The following RBFOX1 variants were observed in gnomAD, a reference collection of about 807,000 sequenced individuals.
The protein encoded by RBFOX1 is RNA binding fox-1 homolog 1, also known as RNA binding protein fox-1 homolog 1.
In RBFOX1, 8 loss-of-function variants were observed where a neutral mutation model predicts 57.7. The ratio of observed to expected loss-of-function variants is 0.14; its 90% CI spans 0.08 to 0.25. The LOEUF is 0.25. Ranked by LOEUF, RBFOX1 falls within the 10% of genes least tolerant of loss-of-function variation. The pLI, the probability that RBFOX1 is intolerant of heterozygous loss-of-function variation, is 1.00. For missense variants in RBFOX1, 611 were observed against 548.5 expected (o/e 1.11, Z -1.14); for synonymous variants, 326 against 222.4 (o/e 1.47, Z -4.15).
chr16:6,439,075 T>C (rs578079330), intron 2 of RBFOX1, among the ~76,000 whole-genome samples: 18 of 152,256 alleles, frequency 1.2e-4, no homozygotes, highest in African/African-American at 4.3e-4. Context: ...CTAGCCTGTT[T>C]TTGTAGGACA....
In RBFOX1 at chr16:6,872,583, G is replaced by C. The variant is rs141398126; in HGVS notation, c.-15-179474G>C. ...CTTTAAAAAAAGATAAGAACGTTTGGAACGGCAACAAAACACCCAATTAAT... is the reference window on the plus strand; with the variant it reads ...CTTTAAAAAAAGATAAGAACGTTTGCAACGGCAACAAAACACCCAATTAAT... On this transcript the variant is annotated intron_variant, in intron 3 of 15. Coordinates refer to ENST00000550418, the MANE Select transcript of RBFOX1 (RefSeq NM_018723.4). 3.6e-3 allele frequency among the ~76,000 whole-genome samples: 554 copies of C among 152,180 alleles called. 4 individuals are homozygous for C. Among genetic ancestry groups the C allele is most frequent in the Non-Finnish European group, 3.5e-3 (237 of 68,018 alleles).
At chr16:6,197,507 T>C (rs1340787909) in intron 1 of RBFOX1, among the ~76,000 whole-genome samples, 1 of 152,150 alleles carries the variant, frequency 6.6e-6, no homozygotes, top group Non-Finnish European at 1.5e-5. Context: ...TAATGGTTAA[T>C]TCCCATCAAC....
intron 1 of RBFOX1, among the ~76,000 whole-genome samples, chr16:6,110,453 C>T (rs1190047543): frequency 6.6e-6 from 1 of 152,126 alleles, no homozygotes; most frequent in Admixed American, 6.6e-5. Flanking sequence ...CCTGCACAAA[C>T]ACAATTGATA....
chr16:7,219,142 G>C (rs1435179454), intron 4 of RBFOX1, among the ~76,000 whole-genome samples: 3 of 152,146 alleles, frequency 2.0e-5, no homozygotes, highest in Non-Finnish European at 2.9e-5. Context: ...GCCCTGCTCG[G>C]AGTAGCCTTG....
At chr16:6,465,459 A>T (rs919782626) in intron 2 of RBFOX1, among the ~76,000 whole-genome samples, 8 of 152,142 alleles carry the variant, frequency 5.3e-5, no homozygotes, top group African/African-American at 1.9e-4. Flanking sequence ...TTTCTGTCTG[A>T]GTTCAGCAGT....
intron 4 of RBFOX1, among the ~76,000 whole-genome samples, chr16:7,303,107 C>G (rs2096072417): frequency 6.6e-6 from 1 of 152,194 alleles, no homozygotes; most frequent in African/African-American, 2.4e-5. Flanking sequence ...CGAGCTGGCA[C>G]GTTAGTCCAA....
At chr16:7,220,499 G>C (rs186904047) in intron 4 of RBFOX1, among the ~76,000 whole-genome samples, 1 of 152,320 alleles carries the variant, frequency 6.6e-6, no homozygotes, top group Admixed American at 6.5e-5. Context: ...AAGTTGCTGA[G>C]ATTTGATTAT....
chr16:7,172,472 T>G (rs2080887802), intron 4 of RBFOX1, among the ~76,000 whole-genome samples: 1 of 152,198 alleles, frequency 6.6e-6, no homozygotes, highest in South Asian at 2.1e-4. Flanking sequence ...ACAACCACCC[T>G]TTGATCCCCA....
chr16:5,882,220 C>T (rs1006240351), intron 4 of RBFOX1, among the ~76,000 whole-genome samples: 4 of 152,138 alleles, frequency 2.6e-5, no homozygotes, highest in African/African-American at 7.2e-5. Context: ...TACCGTTCCT[C>T]GTAGCTATGT....
At chr16:7,191,335 A>G (rs1429886118) in intron 4 of RBFOX1, among the ~76,000 whole-genome samples, 1 of 111,210 alleles carries the variant, frequency 9.0e-6, no homozygotes, top group African/African-American at 3.5e-5. Context: ...TGCTGACAAA[A>G]AAAGAAAAAA....
intron 4 of RBFOX1, among the ~76,000 whole-genome samples, chr16:7,471,413 C>T (rs993385077): frequency 4.6e-5 from 7 of 151,990 alleles, no homozygotes; most frequent in Admixed American, 3.9e-4. Context: ...CCCAGATGCC[C>T]TTCCCCAAAG....
At chr16:6,619,823 C>T (rs1171559721) in intron 2 of RBFOX1, among the ~76,000 whole-genome samples, 1 of 151,564 alleles carries the variant, frequency 6.6e-6, no homozygotes, top group Non-Finnish European at 1.5e-5. Flanking sequence ...AATCCTAGTA[C>T]CCATTAGTTA....
At chr16:7,597,453 A>G in intron 9 of RBFOX1, 22 bp downstream of exon 9, 1 of 1,562,810 alleles carries the variant, frequency 6.4e-7, no homozygotes, top group Non-Finnish European at 8.8e-7. Context: ...TTGGCCTTTT[A>G]CAAGAAATTC....
At chr16:6,259,513 T>G (rs2152626922) in intron 1 of RBFOX1, among the ~76,000 whole-genome samples, 1 of 152,250 alleles carries the variant, frequency 6.6e-6, no homozygotes, top group South Asian at 2.1e-4. Context: ...TCTTTCTCTC[T>G]CCTCAAACTC....
At chr16:6,337,814 C>T (rs931164931) in intron 2 of RBFOX1, among the ~76,000 whole-genome samples, 27 of 152,314 alleles carry the variant, frequency 1.8e-4, no homozygotes, top group African/African-American at 5.5e-4. Context: ...AATCCTCCTG[C>T]CTCTTCTTGA....
chr16:7,088,842 C>A (rs1567213029), intron 4 of RBFOX1, among the ~76,000 whole-genome samples: 1 of 152,174 alleles, frequency 6.6e-6, no homozygotes, highest in African/African-American at 2.4e-5. Context: ...TTCAACTCAA[C>A]CTCTGTCTTT....
At chr16:7,501,103 G>T (rs1258895048) in intron 4 of RBFOX1, among the ~76,000 whole-genome samples, 1 of 152,124 alleles carries the variant, frequency 6.6e-6, no homozygotes, top group Non-Finnish European at 1.5e-5. Flanking sequence ...AAATTACCCA[G>T]CCTCAGATAT....
intron 5 of RBFOX1, among the ~76,000 whole-genome samples, chr16:7,528,905 A>C (rs980264983): frequency 6.6e-6 from 1 of 152,218 alleles, no homozygotes; most frequent in African/African-American, 2.4e-5. Context: ...GGAGAGCCAA[A>C]GAGTTCATCT....
At chr16:6,017,182 C>T (rs140176353), upstream of RBFOX1, among the ~76,000 whole-genome samples, 301 of 152,294 alleles carry the variant, frequency 2.0e-3, 2 homozygotes, top group African/African-American at 7.0e-3. Flanking sequence ...GCTGATGTTA[C>T]TGCCTTGAAT....
Sources: gnomAD v4.1 joint callset for allele counts (sites outside exome capture counted in the v4.1 genomes callset) on GRCh38, gnomAD v4.1.1 for gene constraint, MANE v1.5 for transcripts, NCBI Gene and HGNC (gene_info 2026-07-23, HGNC 2026-07-21) for gene names.